The following TNKS variants were observed in gnomAD, a reference collection of about 807,000 sequenced individuals.
The protein encoded by TNKS is tankyrase.
TNKS carries 72 observed loss-of-function variants against 135.8 expected under a neutral mutation model. That is an observed-to-expected ratio of 0.53 (90% CI 0.44 to 0.64). The LOEUF is 0.64. TNKS is among the 30% of genes least tolerant of loss of function. The pLI, the probability that TNKS is intolerant of heterozygous loss-of-function variation, is 0.00. For missense variants in TNKS, 1,769 were observed against 1,674.0 expected (o/e 1.06, Z -0.99); for synonymous variants, 849 against 649.3 (o/e 1.31, Z -4.68).
intron 3 of TNKS, among the ~76,000 whole-genome samples, chr8:9,630,977 T>C (rs189880735): frequency 3.9e-5 from 6 of 152,308 alleles, no homozygotes; most frequent in Admixed American, 3.3e-4. Flanking sequence ...TACATACATT[T>C]TCATGACCTT....
At chr8:9,631,546 A>G (rs1416192150) in intron 3 of TNKS, among the ~76,000 whole-genome samples, 1 of 152,172 alleles carries the variant, frequency 6.6e-6, no homozygotes, top group Non-Finnish European at 1.5e-5. Context: ...TCTTGTCTCT[A>G]TTTGGTAGAC....
At chr8:9,763,278 C>A in intron 22 of TNKS, 34 bp downstream of exon 22, 3 of 1,439,452 alleles carry the variant, frequency 2.1e-6, no homozygotes, top group Non-Finnish European at 9.6e-7. Flanking sequence ...ATTTGCTTTT[C>A]TTGAAATCTG....
intron 12 of TNKS, among the ~76,000 whole-genome samples, chr8:9,725,188 A>C (rs1380828501): frequency 1.3e-5 from 2 of 152,182 alleles, no homozygotes; most frequent in Non-Finnish European, 2.9e-5. Flanking sequence ...AGCCAAAAAA[A>C]GAGCTAAGAT....
At chr8:9,623,299 A>G (rs936659134) in intron 3 of TNKS, among the ~76,000 whole-genome samples, 1 of 152,224 alleles carries the variant, frequency 6.6e-6, no homozygotes, top group African/African-American at 2.4e-5. Context: ...GATAGGTAAG[A>G]GGTAGATCAA....
intron 1 of TNKS, among the ~76,000 whole-genome samples, chr8:9,560,482 G>A (rs1585166441): frequency 7.9e-6 from 1 of 126,318 alleles, no homozygotes; most frequent in African/African-American, 3.1e-5. Context: ...TTTCAGCATG[G>A]CCATACTTGT....
intron 3 of TNKS, among the ~76,000 whole-genome samples, chr8:9,634,915 C>T (rs1282757207): frequency 2.0e-5 from 3 of 152,150 alleles, no homozygotes; most frequent in African/African-American, 7.2e-5. Context: ...CGGTGGCTCA[C>T]TCCTGTAATC....
chr8:9,655,956 G>T (rs1801347675), intron 3 of TNKS, among the ~76,000 whole-genome samples: 1 of 152,132 alleles, frequency 6.6e-6, no homozygotes, highest in Non-Finnish European at 1.5e-5. Context: ...AGCTAAAGGA[G>T]GAGGTTTGAA....
intron 3 of TNKS, among the ~76,000 whole-genome samples, chr8:9,633,930 T>C (rs1800397066): frequency 6.6e-6 from 1 of 152,120 alleles, no homozygotes; most frequent in African/African-American, 2.4e-5. Context: ...GTCAGAATCA[T>C]CCAGCTAACC....
chr8:9,755,339 T>TTCCA (rs1239146793), intron 20 of TNKS, among the ~76,000 whole-genome samples: 2 of 152,192 alleles, frequency 1.3e-5, no homozygotes, highest in African/African-American at 4.8e-5. Context: ...GAGTAAATGG[T>TTCCA]TCCATTGGTT....
intron 3 of TNKS, among the ~76,000 whole-genome samples, chr8:9,621,233 C>A (rs1392189903): frequency 2.6e-5 from 4 of 151,850 alleles, no homozygotes; most frequent in Non-Finnish European, 5.9e-5. Flanking sequence ...GAGAACATTC[C>A]AATTCTGGAA....
At chr8:9,574,484 C>G (rs1469427546) in intron 1 of TNKS, among the ~76,000 whole-genome samples, 2 of 152,188 alleles carry the variant, frequency 1.3e-5, no homozygotes, top group Admixed American at 1.3e-4. Context: ...ACTAGTCCCT[C>G]TGATTTTGCT....
At position 9,774,544 on chromosome 8, in the gene TNKS, C is replaced by T. The variant is rs146263257; in HGVS notation, c.3898-2106C>T. On this transcript the variant is annotated intron_variant, in intron 26 of 26. Coordinates refer to ENST00000310430, the MANE Select transcript of TNKS (RefSeq NM_003747.3). ...CCAGCATGGATTTAAAGTGACCTGA[C>T]GGAAAATGACGGTTTTTGGTCCATC... Among the ~76,000 whole-genome samples the T allele has an allele frequency of 5.9e-5, 9 of 152,322 alleles. No homozygotes were observed. The East Asian group carries it at 1.2e-3, about 20-fold the overall frequency.
At chr8:9,655,792 A>G (rs2128783838) in intron 3 of TNKS, among the ~76,000 whole-genome samples, 1 of 152,258 alleles carries the variant, frequency 6.6e-6, no homozygotes, top group South Asian at 2.1e-4. Context: ...CAAGATGGGG[A>G]AAAACCAAAG....
chr8:9,770,214 C>T lies in TNKS; in HGVS notation c.3849C>T (p.Ser1283=), dbSNP rs146492803. The T allele has an allele frequency of 2.2e-5, 35 of 1,613,218 alleles. No homozygotes were observed. The highest frequency in any genetic ancestry group is 4.5e-5 in the East Asian group (2 of 44,876). ...ACCACTCAGTCATTGGTAGACCGAG[C>T]GTCAATGGGCTGGCATATGCTGAAT... ...PGHHSVIGRP[S]VNGLAYAEYV... The change falls in exon 26 of 27, where the codon AGC becomes AGT. Residue 1283 remains serine (S), a synonymous_variant. Transcript: ENST00000310430.
intron 13 of TNKS, 74 bp downstream of exon 13, chr8:9,726,794 TA>T: frequency 1.0e-5 from 12 of 1,176,040 alleles, no homozygotes; most frequent in Non-Finnish European, 1.5e-5. Flanking sequence ...AGCTTCTAAG[TA>T]TATCTACTCA....
chr8:9,607,885 T>A (rs1217919474), intron 2 of TNKS, among the ~76,000 whole-genome samples: 1 of 152,158 alleles, frequency 6.6e-6, no homozygotes, highest in African/African-American at 2.4e-5. Context: ...TGCATATATG[T>A]TTTATAGTGA....
intron 17 of TNKS, among the ~76,000 whole-genome samples, chr8:9,738,917 T>C (rs1282184714): frequency 2.0e-5 from 3 of 150,378 alleles, no homozygotes; most frequent in Admixed American, 1.3e-4. Flanking sequence ...CTATTAGGTC[T>C]GCTTGGTGCA....
intron 3 of TNKS, among the ~76,000 whole-genome samples, chr8:9,679,301 A>G (rs1350274256): frequency 6.6e-6 from 1 of 152,158 alleles, no homozygotes; most frequent in Non-Finnish European, 1.5e-5. Context: ...TATTATTGCC[A>G]TTTAAGAATG....
At chr8:9,675,012 T>C (rs1362530270) in intron 3 of TNKS, among the ~76,000 whole-genome samples, 1 of 152,202 alleles carries the variant, frequency 6.6e-6, no homozygotes, top group Non-Finnish European at 1.5e-5. Context: ...GTTCTGAATA[T>C]ATTTTTGAAA....
Sources: allele counts gnomAD v4.1 joint callset (sites outside exome capture counted in the v4.1 genomes callset), GRCh38; gene constraint gnomAD v4.1.1; transcripts MANE v1.5; gene names NCBI Gene and HGNC (gene_info 2026-07-23, HGNC 2026-07-21).